CADM2: variants seen among roughly 807,000 people sequenced by gnomAD.
CADM2 encodes immunoglobulin superfamily member 4D.
In CADM2, 12 loss-of-function variants were observed where a neutral mutation model predicts 49.8. The ratio of observed to expected loss-of-function variants is 0.24; its 90% CI spans 0.15 to 0.39. CADM2 has a LOEUF of 0.39. Ranked by LOEUF, CADM2 falls within the 10% of genes least tolerant of loss-of-function variation. The pLI is 1.00. For missense variants in CADM2, 378 were observed against 492.3 expected (o/e 0.77, Z 2.20); for synonymous variants, 214 against 175.4 (o/e 1.22, Z -1.74).
intron 8 of CADM2, among the ~76,000 whole-genome samples, chr3:86,039,682 G>A (rs944488654): frequency 3.3e-5 from 5 of 152,210 alleles, no homozygotes; most frequent in Non-Finnish European, 7.3e-5. Context: ...ACAAAAGGCA[G>A]CAGAATCCTC....
intron 2 of CADM2, among the ~76,000 whole-genome samples, chr3:85,778,279 A>T (rs2070457451): frequency 6.6e-6 from 1 of 152,158 alleles, no homozygotes; most frequent in Non-Finnish European, 1.5e-5. Context: ...GTATATGTGG[A>T]TATACACACA....
chr3:85,642,821 A>G (rs1267667468), intron 1 of CADM2, among the ~76,000 whole-genome samples: 1 of 152,200 alleles, frequency 6.6e-6, no homozygotes, highest in Non-Finnish European at 1.5e-5. Flanking sequence ...AAGACAGAAG[A>G]AACCTTGTTA....
intron 5 of CADM2, among the ~76,000 whole-genome samples, chr3:85,888,718 AAGTGTATATGTAAATAC>A (rs1229474900): frequency 1.3e-5 from 2 of 152,152 alleles, no homozygotes; most frequent in African/African-American, 2.4e-5. Flanking sequence ...TTATTTTTGT[AAGTGTATATGTAAATAC>A]AGTTAGGTAA....
chr3:85,450,236 G>A (rs1015180404), intron 1 of CADM2, among the ~76,000 whole-genome samples: 2 of 152,038 alleles, frequency 1.3e-5, no homozygotes, highest in African/African-American at 4.8e-5. Flanking sequence ...TGTCACATAT[G>A]TTATGGTCTA....
chr3:85,823,449 C>G (rs996528669), intron 3 of CADM2, among the ~76,000 whole-genome samples: 1 of 152,038 alleles, frequency 6.6e-6, no homozygotes, highest in Non-Finnish European at 1.5e-5. Context: ...AGAAAACAAA[C>G]AAACAAAAAC....
At chr3:85,560,477 G>A (rs2062065165) in intron 1 of CADM2, among the ~76,000 whole-genome samples, 1 of 152,208 alleles carries the variant, frequency 6.6e-6, no homozygotes, top group Non-Finnish European at 1.5e-5. Context: ...TTTCTTATAT[G>A]ACTACTGCCA....
chr3:85,300,102 A>T (rs1373447025), intron 1 of CADM2, among the ~76,000 whole-genome samples: 1 of 152,042 alleles, frequency 6.6e-6, no homozygotes, highest in African/African-American at 2.4e-5. Context: ...CCGCATTTTC[A>T]ATTGAAGAGA....
intron 1 of CADM2, among the ~76,000 whole-genome samples, chr3:85,302,819 C>G (rs983924833): frequency 6.6e-6 from 1 of 151,854 alleles, no homozygotes; most frequent in Admixed American, 6.6e-5. Context: ...TATGTACAGA[C>G]TGCCATAATA....
chr3:85,637,116 A>G (rs887833634), intron 1 of CADM2, among the ~76,000 whole-genome samples: 4 of 152,196 alleles, frequency 2.6e-5, no homozygotes, highest in Non-Finnish European at 4.4e-5. Context: ...TAAATCATGT[A>G]TATTCTTTTT....
chr3:85,581,868 T>A (rs745819586), intron 1 of CADM2, among the ~76,000 whole-genome samples: 14 of 152,122 alleles, frequency 9.2e-5, no homozygotes, highest in Admixed American at 1.3e-4. Flanking sequence ...ATATATAATG[T>A]GGTTATGATG....
chr3:85,453,313 C>T (rs1029695408), intron 1 of CADM2, among the ~76,000 whole-genome samples: 8 of 151,832 alleles, frequency 5.3e-5, no homozygotes, highest in Non-Finnish European at 1.2e-4. Context: ...TCTTTAAATT[C>T]CTTTAACATT....
At chr3:85,850,398 C>T (rs2075057807) in intron 3 of CADM2, among the ~76,000 whole-genome samples, 1 of 147,252 alleles carries the variant, frequency 6.8e-6, no homozygotes, top group Non-Finnish European at 1.5e-5. Context: ...GATCTCGGCT[C>T]ACTGCAAGCT....
intron 8 of CADM2, among the ~76,000 whole-genome samples, chr3:86,042,112 C>A (rs1736020711): frequency 6.6e-6 from 1 of 152,034 alleles, no homozygotes; most frequent in Non-Finnish European, 1.5e-5. Flanking sequence ...ACTAAATGCC[C>A]ACAGGAGAAA....
At chr3:85,413,628 G>C (rs1382282577) in intron 1 of CADM2, among the ~76,000 whole-genome samples, 1 of 152,150 alleles carries the variant, frequency 6.6e-6, no homozygotes, top group Non-Finnish European at 1.5e-5. Context: ...GAGGGCGGCA[G>C]GGAGCCACAT....
chr3:85,876,856 A>G (rs1244565277), intron 3 of CADM2, among the ~76,000 whole-genome samples: 1 of 152,134 alleles, frequency 6.6e-6, no homozygotes, highest in African/African-American at 2.4e-5. Context: ...ATATGCTGGT[A>G]CCTTTTGTTA....
chr3:85,112,437 A>G (rs570860687), intron 1 of CADM2, among the ~76,000 whole-genome samples: 18 of 151,678 alleles, frequency 1.2e-4, no homozygotes, highest in Non-Finnish European at 2.2e-4. Context: ...TCAAAATCAT[A>G]AAGTGTTAAA....
At chr3:85,492,453 A>G (rs2039713764) in intron 1 of CADM2, among the ~76,000 whole-genome samples, 1 of 152,076 alleles carries the variant, frequency 6.6e-6, no homozygotes, top group East Asian at 1.9e-4. Flanking sequence ...TTCGCCCGGC[A>G]TGATAGTGCG....
chr3:85,032,168 T>A (rs73843268), intron 1 of CADM2, among the ~76,000 whole-genome samples: 3,146 of 152,218 alleles, frequency 0.021, 62 homozygotes, highest in East Asian at 0.079. Flanking sequence ...GTGGCTATAT[T>A]TGAAATGAAA....
intron 2 of CADM2, among the ~76,000 whole-genome samples, chr3:85,767,935 C>T (rs1027117350): frequency 5.9e-5 from 9 of 152,022 alleles, no homozygotes; most frequent in African/African-American, 2.4e-5. Context: ...ATCTGTTGTA[C>T]AACAGATTTA....
Sources: gnomAD v4.1 joint callset for allele counts (sites outside exome capture counted in the v4.1 genomes callset) on GRCh38, gnomAD v4.1.1 for gene constraint, MANE v1.5 for transcripts, NCBI Gene and HGNC (gene_info 2026-07-23, HGNC 2026-07-21) for gene names.